AP4S1: variants seen among roughly 807,000 people sequenced by gnomAD.
AP4S1 encodes the protein adaptor related protein complex 4 subunit sigma 1.
AP4S1 carries 23 observed loss-of-function variants against 19.8 expected under a neutral mutation model. That is an observed-to-expected ratio of 1.16 (90% CI 0.84 to 1.65). The LOEUF (loss-of-function observed/expected upper bound fraction) is 1.65. Among genes scored for constraint, AP4S1 ranks in the 40% most tolerant of loss-of-function variants. AP4S1 has a pLI of 0.00. For synonymous variants in AP4S1, 46 were observed against 54.1 expected, an observed-to-expected ratio of 0.85 and a Z score of 0.66; for missense variants, 166 against 172.8, an observed-to-expected ratio of 0.96 and a Z score of 0.22.
At chr14:31,061,176 T>C (rs928046714) in intron 1 of AP4S1, among the ~76,000 whole-genome samples, 20 of 151,962 alleles carry the variant, frequency 1.3e-4, no homozygotes, top group Non-Finnish European at 2.4e-4. Flanking sequence ...CTACTGTGTC[T>C]GGCCTAATTT....
At position 31,095,482 on chromosome 14, in the gene AP4S1, T is replaced by A. The variant is rs1479055456; in HGVS notation, c.*2447T>A. 1 of 152,218 alleles carries A rather than the reference T, an allele frequency of 6.6e-6. No homozygotes were observed. Among genetic ancestry groups the A allele is most frequent in the Non-Finnish European group, 1.5e-5 (1 of 68,084 alleles). 9.4% of individuals were successfully genotyped at this position (152,218 alleles called of 1,614,324 possible). ...CCTAGGCTGGAGTGCAGTGGTGTGA[T>A]CATGCCTCACTACAGCCTGTACCTC... On this transcript the variant is annotated 3_prime_UTR_variant, in exon 6 of 6. Transcript: ENST00000542754.
intron 1 of AP4S1, among the ~76,000 whole-genome samples, chr14:31,052,901 G>A (rs1308926416): frequency 2.7e-5 from 4 of 148,060 alleles, no homozygotes; most frequent in African/African-American, 9.9e-5. Flanking sequence ...TTTAATACAA[G>A]AAAGGAGGAA....
intron 3 of AP4S1, among the ~76,000 whole-genome samples, chr14:31,072,613 C>G (rs931091339): frequency 6.6e-6 from 1 of 152,058 alleles, no homozygotes; most frequent in Non-Finnish European, 1.5e-5. Context: ...CCAAGCCATC[C>G]TCTCACCTTG....
At chr14:31,055,994 C>G (rs1477601198) in intron 1 of AP4S1, among the ~76,000 whole-genome samples, 1 of 151,794 alleles carries the variant, frequency 6.6e-6, no homozygotes, top group Non-Finnish European at 1.5e-5. Flanking sequence ...CAGGCGCCCA[C>G]CACCATGCCA....
chr14:31,066,187 G>C lies in AP4S1; in HGVS notation c.-10G>C, dbSNP rs1009888612. ...ACTGTATTTGGAAAAATACTGGCCAGGAAAGAAAAATGATAAAATTTTTCC... is the reference window on the plus strand; with the variant it reads ...ACTGTATTTGGAAAAATACTGGCCACGAAAGAAAAATGATAAAATTTTTCC... On this transcript the variant is annotated 5_prime_UTR_variant, in exon 2 of 6. Coordinates refer to ENST00000542754, the MANE Select transcript of AP4S1 (RefSeq NM_001128126.3). The C allele has an allele frequency of 1.9e-6, 3 of 1,613,502 alleles. No individual in the cohort carries two copies. The highest frequency in any genetic ancestry group is 1.7e-5 in the Admixed American group (1 of 59,986).
rs945476448 is a variant in AP4S1 at position 31,084,372 on chromosome 14, C to T, written c.306+3788C>T. Among the ~76,000 whole-genome samples the T allele has an allele frequency of 4.6e-5, 7 of 152,174 alleles. No homozygotes were observed. In the South Asian group the frequency reaches 1.0e-3, roughly 22 times the overall value. ...TTAGACTTGGAAAAATACAGTACACCGTTTACATTTCTCCCTAGTATGGAC... is the reference window on the plus strand; with the variant it reads ...TTAGACTTGGAAAAATACAGTACACTGTTTACATTTCTCCCTAGTATGGAC... On this transcript the variant is annotated intron_variant, in intron 5 of 5. Transcript: ENST00000542754.
intron 1 of AP4S1, among the ~76,000 whole-genome samples, chr14:31,038,284 T>C (rs1884893981): frequency 6.6e-6 from 1 of 152,228 alleles, no homozygotes; most frequent in South Asian, 2.1e-4. Context: ...TTAAACACAC[T>C]ATAGTGAATA....
At chr14:31,036,987 T>A (rs1159093255) in intron 1 of AP4S1, among the ~76,000 whole-genome samples, 1 of 152,044 alleles carries the variant, frequency 6.6e-6, no homozygotes, top group Non-Finnish European at 1.5e-5. Context: ...TAATTTTTTG[T>A]ATTTTTAGTA....
chr14:31,030,269 GT>G (rs1358253268), intron 1 of AP4S1, among the ~76,000 whole-genome samples: 1 of 152,092 alleles, frequency 6.6e-6, no homozygotes, highest in Non-Finnish European at 1.5e-5. Flanking sequence ...TTATCTAATA[GT>G]TTTTACACTA....
rs577071693 is a variant in AP4S1, at chr14:31,042,878, G to A, written c.-72+17091G>A. Among the ~76,000 whole-genome samples, 81 of 152,212 alleles carry A rather than the reference G, an allele frequency of 5.3e-4. No homozygotes were observed. The Middle Eastern group carries it at 0.017, about 32-fold the overall frequency. On this transcript the variant is annotated intron_variant, in intron 1 of 5. Transcript: ENST00000542754. The stretch of plus-strand genomic sequence containing the variant: ...GACTCTTTGGTCAGTTTACCAAAAT[G>A]GCTTTAGATCAAGATCTGAGAGCCA...
At position 31,069,694 on chromosome 14, in the gene AP4S1, G is replaced by A. The variant is rs566919508; in HGVS notation, c.139-149G>A. The A allele has an allele frequency of 1.1e-4, 80 of 713,816 alleles. No individual in the cohort carries two copies. The East Asian group carries it at 1.8e-3, about 16-fold the overall frequency. 44.2% of individuals were successfully genotyped at this position (713,816 alleles called of 1,614,324 possible). ...TTCCAAGTGGTCCCCTGAATATTGT[G>A]AGAAGGTCACCAATGGTTGTGTAAC... On this transcript the variant is annotated intron_variant, in intron 2 of 5. Transcript: ENST00000542754.
Position 31,069,200 on chromosome 14 carries a change from G to T in AP4S1, c.139-643G>T, listed in dbSNP as rs112391397. 5.9e-5 allele frequency among the ~76,000 whole-genome samples: 9 copies of T among 152,244 alleles called. 1 individual carries two copies. Among genetic ancestry groups the T allele is most frequent in the African/African-American group, 1.9e-4 (8 of 41,542 alleles). On this transcript the variant is annotated intron_variant, in intron 2 of 5. Coordinates refer to ENST00000542754, the MANE Select transcript of AP4S1 (RefSeq NM_001128126.3). Reference sequence around the variant, plus strand: ...TCTTTGTACAAAGGTGATAGGAAAGGGATGAATGAGAAGGGAGTTTTTCCA... The same window carrying T: ...TCTTTGTACAAAGGTGATAGGAAAGTGATGAATGAGAAGGGAGTTTTTCCA...
chr14:31,060,520 C>T (rs150569466), intron 1 of AP4S1, among the ~76,000 whole-genome samples: 5 of 152,316 alleles, frequency 3.3e-5, no homozygotes, highest in Non-Finnish European at 5.9e-5. Flanking sequence ...GCAACTTAAG[C>T]GTCACATGGC....
At chr14:31,065,544 A>G (rs187517420) in intron 1 of AP4S1, among the ~76,000 whole-genome samples, 1 of 152,374 alleles carries the variant, frequency 6.6e-6, no homozygotes. Flanking sequence ...GTTACCCAGC[A>G]AAATGAATGA....
intron 1 of AP4S1, among the ~76,000 whole-genome samples, chr14:31,052,643 A>ACTTGAAC (rs1885861783): frequency 6.6e-6 from 1 of 150,496 alleles, no homozygotes; most frequent in South Asian, 2.1e-4. Flanking sequence ...CAGGAGAATC[A>ACTTGAAC]CTTGAACCTG....
At chr14:31,066,813 T>G (rs931655912) in intron 2 of AP4S1, among the ~76,000 whole-genome samples, 10 of 152,200 alleles carry the variant, frequency 6.6e-5, no homozygotes, top group African/African-American at 2.4e-4. Flanking sequence ...CTGCTTATTA[T>G]TTTTGTAAAT....
chr14:31,039,469 G>C (rs1346934910), intron 1 of AP4S1, among the ~76,000 whole-genome samples: 1 of 152,112 alleles, frequency 6.6e-6, no homozygotes, highest in Non-Finnish European at 1.5e-5. Context: ...ACAGGCGTGA[G>C]CCACTGTGTC....
chr14:31,056,647 C>G (rs1886136627), intron 1 of AP4S1, among the ~76,000 whole-genome samples: 1 of 152,226 alleles, frequency 6.6e-6, no homozygotes, highest in South Asian at 2.1e-4. Context: ...GCGTGAGCCA[C>G]CGTGCCCAGC....
intron 4 of AP4S1, among the ~76,000 whole-genome samples, chr14:31,076,456 ATCT>A (rs1429048429): frequency 6.6e-6 from 1 of 152,214 alleles, no homozygotes; most frequent in South Asian, 2.1e-4. Context: ...CCATTTGTCT[ATCT>A]TCTTGGGAGA....
Sources: gnomAD v4.1 joint callset for allele counts (sites outside exome capture counted in the v4.1 genomes callset) on GRCh38, gnomAD v4.1.1 for gene constraint, MANE v1.5 for transcripts, NCBI Gene and HGNC (gene_info 2026-07-23, HGNC 2026-07-21) for gene names.